The following EPHA8 variants were observed in gnomAD, a reference collection of about 807,000 sequenced individuals.
The protein encoded by EPHA8 is ephrin type-A receptor 8.
In EPHA8, 58 loss-of-function variants were observed where a neutral mutation model predicts 103.6. The observed-to-expected ratio is 0.56, with a 90% CI of 0.45 to 0.70. EPHA8 has a LOEUF of 0.70. Ranked by LOEUF, EPHA8 falls within the 30% of genes least tolerant of loss-of-function variation. EPHA8 has a pLI of 0.00. For missense variants in EPHA8, 1,304 were observed against 1,395.2 expected (o/e 0.93, Z 1.04); for synonymous variants, 559 against 572.5 (o/e 0.98, Z 0.34).
In EPHA8 at chr1:22,598,818, C is replaced by T; in HGVS notation, c.2179-20C>T. 1 of 1,608,448 alleles carries T rather than the reference C, an allele frequency of 6.2e-7. No homozygotes were observed. Among genetic ancestry groups the T allele is most frequent in the Non-Finnish European group, 8.5e-7 (1 of 1,177,016 alleles). ...CGCCTCGCCGGGCTTTCCTGAAGTC[C>T]AAGCCATGTCCCCCTGCAGACCCAC... On this transcript the variant is annotated intron_variant, in intron 12 of 16. Coordinates refer to ENST00000166244, the MANE Select transcript of EPHA8 (RefSeq NM_020526.5). This position sits in a 1 kb window ranked among gnomAD's most constrained non-coding sequence, Gnocchi z 5.1.
At chr1:22,583,215 C>G (rs1459383508) in intron 3 of EPHA8, among the ~76,000 whole-genome samples, 1 of 152,370 alleles carries the variant, frequency 6.6e-6, no homozygotes, top group South Asian at 2.1e-4. Flanking sequence ...CGGGCCCCAG[C>G]CCAGAGCCAC....
chr1:22,601,309 C>T lies in EPHA8; in HGVS notation c.2739C>T (p.Pro913=). The T allele has an allele frequency of 1.2e-6, 2 of 1,600,018 alleles. No homozygotes were observed. The highest frequency in any genetic ancestry group is 8.5e-7 in the Non-Finnish European group (1 of 1,175,802). The part of the protein sequence containing the change: ...RATATVSRCP[P]PAFVRSCFDL... ...AGCCCCTGTGCCTCAGGTGCCCACC[C>T]CCTGCCTTCGTCCGGAGCTGCTTTG... The change falls in exon 16 of 17, where the codon CCC becomes CCT. Residue 913 remains proline (P), a synonymous_variant. Coordinates refer to ENST00000166244, the MANE Select transcript of EPHA8 (RefSeq NM_020526.5).
At position 22,589,239 on chromosome 1, in the gene EPHA8, G is replaced by A. The variant is rs1641310397; in HGVS notation, c.1315+33G>A. On this transcript the variant is annotated intron_variant, in intron 5 of 16. Transcript: ENST00000166244. This position sits in a 1 kb window ranked among gnomAD's most constrained non-coding sequence, Gnocchi z 4.3. ...GAGAAACTCCGTCCCGCAGCGTCCT[G>A]GTCCCCCAGCTTCCCCTGCCTCAGA... The A allele has an allele frequency of 1.9e-6, 3 of 1,613,992 alleles. No individual in the cohort carries two copies. The highest frequency in any genetic ancestry group is 2.5e-6 in the Non-Finnish European group (3 of 1,180,016).
intron 2 of EPHA8, among the ~76,000 whole-genome samples, chr1:22,570,385 C>T (rs569462935): frequency 5.7e-4 from 48 of 84,726 alleles, no homozygotes; most frequent in African/African-American, 3.6e-3. Flanking sequence ...TACACACACG[C>T]GCGCGCGCAT....
At position 22,598,081 on chromosome 1, in the gene EPHA8, C is replaced by T. The variant is rs1570030991; in HGVS notation, c.2117-70C>T. On this transcript the variant is annotated intron_variant, in intron 11 of 16. Coordinates refer to ENST00000166244, the MANE Select transcript of EPHA8 (RefSeq NM_020526.5). This position sits in a 1 kb window ranked among gnomAD's most constrained non-coding sequence, Gnocchi z 5.1. The stretch of plus-strand genomic sequence containing the variant: ...GCACAGGTCCTGAGATGGTGGTATG[C>T]TCCTGGGGTCTCTGATCAGCAGCCC... 1.9e-6 allele frequency: 3 copies of T among 1,542,212 alleles called. No homozygotes were observed. The East Asian group carries it at 6.7e-5, about 35-fold the overall frequency.
At chr1:22,574,941 C>T (rs1439429711) in intron 2 of EPHA8, among the ~76,000 whole-genome samples, 3 of 152,272 alleles carry the variant, frequency 2.0e-5, no homozygotes, top group African/African-American at 7.2e-5. Flanking sequence ...CACATCCTTG[C>T]CAACACTTAT....
intron 3 of EPHA8, among the ~76,000 whole-genome samples, chr1:22,585,066 T>TGTGTGTGCGC (rs1641165067): frequency 8.4e-6 from 1 of 119,380 alleles, no homozygotes; most frequent in South Asian, 2.8e-4. Flanking sequence ...CGCGTGTGTC[T>TGTGTGTGCGC]AGAGTTCCAG....
chr1:22,590,556 T>C (rs1641345536), intron 5 of EPHA8, among the ~76,000 whole-genome samples: 1 of 152,112 alleles, frequency 6.6e-6, no homozygotes, highest in East Asian at 1.9e-4. Flanking sequence ...AACACTTTTC[T>C]CTTGCTCGTG....
intron 4 of EPHA8, among the ~76,000 whole-genome samples, chr1:22,587,866 G>A (rs541884675): frequency 5.8e-4 from 89 of 152,168 alleles, no homozygotes; most frequent in African/African-American, 1.9e-3. Context: ...CCACTGCCCT[G>A]CCCAGATCTG....
In EPHA8 at chr1:22,577,884, CAT is replaced by C. The variant is rs1376258043; in HGVS notation, c.823+1005_823+1006del. On this transcript the variant is annotated intron_variant, in intron 3 of 16. Transcript: ENST00000166244. The stretch of plus-strand genomic sequence containing the variant: ...TGTATGCATTGTGTGGGCCTGTGTT[CAT>C]GAGTGTGTGCATGTGTGTGTATGTG... Among the ~76,000 whole-genome samples the C allele has an allele frequency of 5.4e-5, 4 of 74,100 alleles. No homozygotes were observed. In the East Asian group the frequency reaches 1.8e-3, roughly 34 times the overall value. The allele number at this position is 74,100 out of a possible 152,430, so 48.6% of individuals were successfully genotyped here. A position where few individuals can be genotyped will look rare whatever the true frequency, so the allele number is the denominator to read the frequency against.
chr1:22,589,488 T>C lies in EPHA8; in HGVS notation c.1315+282T>C. 6.9e-7 allele frequency: 1 copy of C among 1,457,374 alleles called. No individual in the cohort carries two copies. Among genetic ancestry groups the C allele is most frequent in the South Asian group, 1.5e-5 (1 of 65,146 alleles). The allele number at this position is 1,457,374 out of a possible 1,614,324, so 90.3% of individuals were successfully genotyped here. ...GAACTTTCCCTCTCTGTGCCTCAGT[T>C]TCCTCCCTGGTGCAATGGGAATAAT... On this transcript the variant is annotated intron_variant, in intron 5 of 16. Coordinates refer to ENST00000166244, the MANE Select transcript of EPHA8 (RefSeq NM_020526.5). This position sits in a 1 kb window ranked among gnomAD's most constrained non-coding sequence, Gnocchi z 4.3.
chr1:22,598,356 G>A lies in EPHA8; in HGVS notation c.2178+144G>A. 2.6e-6 allele frequency: 2 copies of A among 764,782 alleles called. No homozygotes were observed. Among genetic ancestry groups the A allele is most frequent in the South Asian group, 1.8e-5 (1 of 55,832 alleles). 47.4% of individuals were successfully genotyped at this position (764,782 alleles called of 1,614,324 possible). A position where few individuals can be genotyped will look rare whatever the true frequency, so the allele number is the denominator to read the frequency against. ...GACAGGAGGCAGGTATAGGGAGGAG[G>A]TCTTCGAGTTCAGCCAGTCGAACTG... On this transcript the variant is annotated intron_variant, in intron 12 of 16. Transcript: ENST00000166244. The surrounding 1 kb of genome is among the most constrained non-coding windows in gnomAD (Gnocchi z 5.1).
Position 22,597,812 on chromosome 1 carries a change from G to A in EPHA8, c.2067G>A (p.Gly689=). 1 of 1,613,130 alleles carries A rather than the reference G, an allele frequency of 6.2e-7. No homozygotes were observed. The highest frequency in any genetic ancestry group is 8.5e-7 in the Non-Finnish European group (1 of 1,179,956). The change falls in exon 11 of 17, where the codon GGG becomes GGA. Residue 689 remains glycine, a synonymous_variant. Coordinates refer to ENST00000166244, the MANE Select transcript of EPHA8 (RefSeq NM_020526.5). This position sits in a 1 kb window ranked among gnomAD's most constrained non-coding sequence, Gnocchi z 4.6. ...TCCTGAGCGAGGCGTCCATCATGGG[G>A]CAATTCGACCATCCCAACATCATCC... is the stretch of plus-strand genomic sequence containing the variant. ...RDFLSEASIM[G]QFDHPNIIRL... is the part of the protein sequence containing the mutation.
In EPHA8 at chr1:22,600,709, C is replaced by T. The variant is rs775378376; in HGVS notation, c.2437C>T (p.Arg813Cys). 5.6e-6 allele frequency: 9 copies of T among 1,613,648 alleles called. No homozygotes were observed. The East Asian group carries it at 6.7e-5, about 12-fold the overall frequency. ...RWTAPEAIAF[R>C]TFSSASDVWS... ...GACGGCCCCAGAGGCCATCGCCTTC[C>T]GCACCTTCTCCTCGGCCAGCGACGT... Residue 813 changes from arginine (R) to cysteine (C), a missense_variant, in exon 14 of 17, where the codon CGC becomes TGC. Transcript: ENST00000166244.
chr1:22,567,943 C>A lies in EPHA8; in HGVS notation c.95-1346C>A, dbSNP rs1175241947. On this transcript the variant is annotated intron_variant, in intron 1 of 16. Transcript: ENST00000166244. This position sits in a 1 kb window ranked among gnomAD's most constrained non-coding sequence, Gnocchi z 4.2. ...CTCATACAGCAATCACCAGCTAGAT[C>A]AAAAGGAAGCAAAGAGGTGAAGGGA... 6.6e-6 allele frequency among the ~76,000 whole-genome samples: 1 copy of A among 152,184 alleles called. No individual in the cohort carries two copies. Among genetic ancestry groups the A allele is most frequent in the African/African-American group, 2.4e-5 (1 of 41,442 alleles).
chr1:22,574,041 C>T (rs1427189115), intron 2 of EPHA8, among the ~76,000 whole-genome samples: 8 of 152,236 alleles, frequency 5.3e-5, no homozygotes, highest in Non-Finnish European at 1.0e-4. Context: ...CGCAGTGGCA[C>T]AATCTCAGCT....
chr1:22,586,371 C>A, intron 3 of EPHA8, 109 bp from the exon 4 acceptor site: 1 of 1,340,880 alleles, frequency 7.5e-7, no homozygotes, highest in Non-Finnish European at 1.0e-6. Flanking sequence ...TCTGCACCTC[C>A]ATCCCTCTGG....
chr1:22,578,314 ATGTATGCATGTGTGCATGAG>A (rs1226504526), intron 3 of EPHA8, among the ~76,000 whole-genome samples: 4 of 140,996 alleles, frequency 2.8e-5, no homozygotes, highest in Admixed American at 7.0e-5. Flanking sequence ...CTGTGTGCAT[ATGTATGCATGTGTGCATGAG>A]TGTATGCATG....
Position 22,597,905 on chromosome 1 carries a change from T to G in EPHA8, c.2116+44T>G. The G allele has an allele frequency of 6.3e-7, 1 of 1,579,666 alleles. No homozygotes were observed. Among genetic ancestry groups the G allele is most frequent in the Non-Finnish European group, 8.6e-7 (1 of 1,160,116 alleles). ...CAGCCTCCCCCTGCAGTGCCCCTCC[T>G]GCCTGGAGAGGCCTCTGGGTCCATC... On this transcript the variant is annotated intron_variant, in intron 11 of 16. Transcript: ENST00000166244. This position sits in a 1 kb window ranked among gnomAD's most constrained non-coding sequence, Gnocchi z 4.6.
Sources: gnomAD v4.1 joint callset for allele counts (sites outside exome capture counted in the v4.1 genomes callset) on GRCh38, gnomAD v4.1.1 for gene constraint, Gnocchi (gnomAD v3.1) non-coding constraint, MANE v1.5 for transcripts, NCBI Gene and HGNC (gene_info 2026-07-23, HGNC 2026-07-21) for gene names.